Variants in XKR9 observed in about 807,000 individuals in gnomAD.
The protein encoded by XKR9 is XK-related protein 9.
A neutral mutation model predicts 32.0 loss-of-function variants in XKR9; 32 were observed. The ratio of observed to expected loss-of-function variants is 1.00; its 90% CI spans 0.76 to 1.34. The LOEUF is 1.34. Ranked by LOEUF, XKR9 falls within the 40% of genes most tolerant of loss-of-function variation. The probability of loss-of-function intolerance (pLI) is 0.00; values close to 1 mark genes in which losing one functional copy is unlikely to be tolerated. For missense variants in XKR9, 546 were observed against 429.7 expected (o/e 1.27, Z -2.39); for synonymous variants, 168 against 143.4 (o/e 1.17, Z -1.22).
At chr8:70,961,871 CACTTA>C in the XKR9 span, among the ~76,000 whole-genome samples, 1 of 151,994 alleles carries the variant, frequency 6.6e-6, no homozygotes, top group Non-Finnish European at 1.5e-5. Context: ...AAAATAGCCC[CACTTA>C]ACTTTAAAAA....
chr8:70,671,285 A>G (rs1475056063), intron 1 of XKR9, among the ~76,000 whole-genome samples: 2 of 152,046 alleles, frequency 1.3e-5, no homozygotes, highest in African/African-American at 4.8e-5. Flanking sequence ...TTCACTTATC[A>G]TAATCTCTAG....
At chr8:70,831,317 ACTT>A in the XKR9 span, among the ~76,000 whole-genome samples, 5 of 151,308 alleles carry the variant, frequency 3.3e-5, no homozygotes, top group African/African-American at 1.2e-4. Flanking sequence ...AAAGTACCTA[ACTT>A]CTTTGAGTTT....
At chr8:71,063,683 T>G in the XKR9 span, among the ~76,000 whole-genome samples, 1 of 152,364 alleles carries the variant, frequency 6.6e-6, no homozygotes, top group East Asian at 1.9e-4. Context: ...TGTGCTCCTG[T>G]GTGCTTTCCA....
chr8:70,770,781 C>T lies in XKR9; in HGVS notation n.353-18558C>T, dbSNP rs551528742. Among the ~76,000 whole-genome samples, 21 of 152,306 alleles carry T rather than the reference C, an allele frequency of 1.4e-4. No homozygotes were observed. In the South Asian group the frequency reaches 3.7e-3, roughly 27 times the overall value. On this transcript the variant is annotated intron_variant and non_coding_transcript_variant, in intron 2 of 3. Coordinates refer to the XKR9 transcript ENST00000520273. ...CCCTCCCCCCACCAACCTGGAGTGT[C>T]CCAGGTGGACTTCAGACTGCGTGCT...
chr8:70,844,855 C>T, the XKR9 span, among the ~76,000 whole-genome samples: 1 of 152,194 alleles, frequency 6.6e-6, no homozygotes, highest in African/African-American at 2.4e-5. Context: ...CAAGGGATGT[C>T]CCCCCACTGC....
At chr8:70,696,658 C>G (rs1009001000) in intron 3 of XKR9, among the ~76,000 whole-genome samples, 1 of 141,678 alleles carries the variant, frequency 7.1e-6, no homozygotes, top group Admixed American at 7.1e-5. Flanking sequence ...ATTGACTCGG[C>G]GATGCGGGCT....
chr8:71,009,651 G>A, the XKR9 span, among the ~76,000 whole-genome samples: 7 of 152,294 alleles, frequency 4.6e-5, no homozygotes, highest in South Asian at 6.2e-4. Flanking sequence ...GGGGAGCTGA[G>A]GGGATGGGGA....
chr8:70,907,154 A>G, the XKR9 span, among the ~76,000 whole-genome samples: 1 of 152,152 alleles, frequency 6.6e-6, no homozygotes, highest in Non-Finnish European at 1.5e-5. Flanking sequence ...TTTAGTCACC[A>G]TTTCTCATAA....
chr8:70,769,884 A>T (rs1807429769), intron 2 of XKR9, among the ~76,000 whole-genome samples: 1 of 152,014 alleles, frequency 6.6e-6, no homozygotes, highest in South Asian at 2.1e-4. Context: ...GGGTTAGAAC[A>T]TGCTTCTTTA....
the XKR9 span, among the ~76,000 whole-genome samples, chr8:71,013,686 G>T: frequency 6.6e-6 from 1 of 152,134 alleles, no homozygotes; most frequent in Non-Finnish European, 1.5e-5. Context: ...TAAGAAACTT[G>T]CTTCTCTTGG....
intron 2 of XKR9, among the ~76,000 whole-genome samples, chr8:70,751,456 T>G (rs891589802): frequency 1.3e-5 from 2 of 152,130 alleles, no homozygotes; most frequent in African/African-American, 4.8e-5. Context: ...TCAACTTGAC[T>G]GGGTAAAGGG....
the XKR9 span, among the ~76,000 whole-genome samples, chr8:70,964,117 A>G: frequency 6.6e-6 from 1 of 152,154 alleles, no homozygotes; most frequent in Non-Finnish European, 1.5e-5. Flanking sequence ...TTAAGTCTTC[A>G]GTCCATCTTG....
chr8:70,878,745 A>G, the XKR9 span, among the ~76,000 whole-genome samples: 2 of 152,154 alleles, frequency 1.3e-5, no homozygotes, highest in African/African-American at 4.8e-5. Flanking sequence ...AGACAGATCA[A>G]CGAGACAGAA....
intron 4 of XKR9, among the ~76,000 whole-genome samples, chr8:70,723,159 G>C (rs1586857778): frequency 6.6e-6 from 1 of 151,980 alleles, no homozygotes; most frequent in South Asian, 2.1e-4. Flanking sequence ...GTTCATTTAT[G>C]TTCTTCTCTA....
the XKR9 span, among the ~76,000 whole-genome samples, chr8:71,015,071 G>T: frequency 1.3e-5 from 2 of 152,156 alleles, no homozygotes; most frequent in Non-Finnish European, 2.9e-5. Flanking sequence ...AATGTTGTTG[G>T]AAAAGCATGA....
the XKR9 span, among the ~76,000 whole-genome samples, chr8:70,812,297 T>G: frequency 6.6e-6 from 1 of 152,142 alleles, no homozygotes; most frequent in African/African-American, 2.4e-5. Context: ...TATCTCAAAA[T>G]AATAAGAGCT....
intron 3 of XKR9, among the ~76,000 whole-genome samples, chr8:70,682,309 A>G (rs967427381): frequency 2.6e-5 from 4 of 152,204 alleles, no homozygotes; most frequent in African/African-American, 9.6e-5. Flanking sequence ...ATTGAGAATT[A>G]TGTAGTTGTA....
chr8:70,927,651 T>C, the XKR9 span, among the ~76,000 whole-genome samples: 3 of 152,122 alleles, frequency 2.0e-5, no homozygotes, highest in Admixed American at 6.5e-5. Context: ...ATAAGGGCAT[T>C]AATACCACTC....
the XKR9 span, among the ~76,000 whole-genome samples, chr8:70,998,413 G>A: frequency 6.6e-6 from 1 of 152,090 alleles, no homozygotes; most frequent in Non-Finnish European, 1.5e-5. Flanking sequence ...ATCCTTTTAG[G>A]CCTCCAATTG....
Sources: allele counts gnomAD v4.1 joint callset (sites outside exome capture counted in the v4.1 genomes callset), GRCh38; gene constraint gnomAD v4.1.1; transcripts MANE v1.5; gene names NCBI Gene and HGNC (gene_info 2026-07-23, HGNC 2026-07-21).